PCGF5: variants seen among roughly 807,000 people sequenced by gnomAD.
PCGF5 encodes polycomb group RING finger protein 5.
In PCGF5, 9 loss-of-function variants were observed where a neutral mutation model predicts 44.3. The observed-to-expected ratio is 0.20, with a 90% CI of 0.12 to 0.35. The LOEUF is 0.35. Among genes scored for constraint, PCGF5 ranks in the 10% least tolerant of loss-of-function variants. The pLI is 1.00. For missense variants in PCGF5, 146 were observed against 305.3 expected (o/e 0.48, Z 3.89); for synonymous variants, 95 against 102.5 (o/e 0.93, Z 0.44).
In PCGF5 at chr10:91,205,343, C is replaced by T. The variant is rs928664591; in HGVS notation, c.-183-17346C>T. Among the ~76,000 whole-genome samples, 9 of 152,130 alleles carry T rather than the reference C, an allele frequency of 5.9e-5. No individual in the cohort carries two copies. In the South Asian group the frequency reaches 1.9e-3, roughly 32 times the overall value. On this transcript the variant is annotated intron_variant, in intron 1 of 9. Transcript: ENST00000614189. ...CTAACATGGAGCAAATTATCTTCCA[C>T]CCTTCCCCAGGTCAGACGTGGCACT...
At chr10:91,198,292 C>T (rs1844181624) in intron 1 of PCGF5, among the ~76,000 whole-genome samples, 1 of 152,198 alleles carries the variant, frequency 6.6e-6, no homozygotes, top group Admixed American at 6.5e-5. Context: ...CACACTGGCC[C>T]CCTTGCTGGG....
At chr10:91,195,465 TGCATGCATATATATATATATAGAGAG>T (rs1564630596) in intron 1 of PCGF5, among the ~76,000 whole-genome samples, 2 of 100,142 alleles carry the variant, frequency 2.0e-5, no homozygotes, top group African/African-American at 6.5e-5. Flanking sequence ...TATATATATA[TGCATGCATATATATATATATAGAGAG>T]AGAGAGAGAG....
chr10:91,227,580 C>G, intron 2 of PCGF5: 2 of 1,178,044 alleles, frequency 1.7e-6, no homozygotes, highest in East Asian at 1.2e-4. Flanking sequence ...ATTCTTATTA[C>G]ATCTCACCAA....
At position 91,281,332 on chromosome 10, in the gene PCGF5, G is replaced by C. The variant is rs186979627; in HGVS notation, c.*3016G>C. On this transcript the variant is annotated 3_prime_UTR_variant, in exon 10 of 10. Coordinates refer to ENST00000336126, the MANE Select transcript of PCGF5 (RefSeq NM_032373.5). ...CACATTTTATAAACGTAATGACTTT[G>C]CTCAACTACATTACACACTCAAATG... The C allele has an allele frequency of 5.4e-4, 82 of 152,500 alleles. No homozygotes were observed. Among genetic ancestry groups the C allele is most frequent in the South Asian group, 6.2e-4 (3 of 4,820 alleles). The allele number at this position is 152,500 out of a possible 1,614,324, so 9.4% of individuals were successfully genotyped here.
intron 8 of PCGF5, among the ~76,000 whole-genome samples, chr10:91,270,546 A>G (rs531506997): frequency 2.0e-5 from 3 of 152,320 alleles, no homozygotes; most frequent in African/African-American, 4.8e-5. Context: ...AGCCCGCCTT[A>G]CAGCATGTTG....
At chr10:91,246,579 A>G (rs1336823019) in intron 3 of PCGF5, among the ~76,000 whole-genome samples, 1 of 152,154 alleles carries the variant, frequency 6.6e-6, no homozygotes, top group Non-Finnish European at 1.5e-5. Context: ...GATTATGAAC[A>G]TGTCTCTGCT....
chr10:91,238,597 CTTTCTTTT>C (rs1845234372), intron 2 of PCGF5, among the ~76,000 whole-genome samples: 1 of 60,936 alleles, frequency 1.6e-5, no homozygotes, highest in Non-Finnish European at 3.1e-5. Flanking sequence ...TTCTTTCTTT[CTTTCTTTT>C]TTTTTTTTTT....
chr10:91,198,864 G>A (rs540627082), intron 1 of PCGF5, among the ~76,000 whole-genome samples: 1 of 152,296 alleles, frequency 6.6e-6, no homozygotes, highest in South Asian at 2.1e-4. Flanking sequence ...TTGGCTGAGT[G>A]TGTTTCGTAT....
At chr10:91,195,402 G>A (rs75301571) in intron 1 of PCGF5, among the ~76,000 whole-genome samples, 2,212 of 151,422 alleles carry the variant, frequency 0.015, 48 homozygotes, top group African/African-American at 0.048. Flanking sequence ...TTGCCTTAGA[G>A]GGTTAATAAT....
intron 2 of PCGF5, among the ~76,000 whole-genome samples, chr10:91,233,925 A>G (rs1845081366): frequency 6.6e-6 from 1 of 152,260 alleles, no homozygotes; most frequent in Non-Finnish European, 1.5e-5. Flanking sequence ...TAAACAGAGC[A>G]TTACTAATCA....
chr10:91,249,916 G>A (rs2133376405), intron 5 of PCGF5, among the ~76,000 whole-genome samples: 1 of 152,100 alleles, frequency 6.6e-6, no homozygotes, highest in Non-Finnish European at 1.5e-5. Flanking sequence ...ATACAGATAA[G>A]ATAAGGCTAA....
At chr10:91,169,757 T>C (rs1312902536) in intron 1 of PCGF5, among the ~76,000 whole-genome samples, 1 of 152,222 alleles carries the variant, frequency 6.6e-6, no homozygotes, top group East Asian at 1.9e-4. Context: ...AGTTATTTTG[T>C]AGATATTGGC....
intron 2 of PCGF5, chr10:91,227,319 T>A (rs1285547906): frequency 3.3e-6 from 3 of 904,752 alleles, no homozygotes; most frequent in African/African-American, 1.7e-5. Context: ...TATTTTTGGC[T>A]TACGCTTTTC....
chr10:91,185,071 C>G (rs1843894813), intron 1 of PCGF5, among the ~76,000 whole-genome samples: 1 of 152,226 alleles, frequency 6.6e-6, no homozygotes, highest in Admixed American at 6.5e-5. Context: ...CCCCCTCTGC[C>G]CCCAGTTGGC....
intron 2 of PCGF5, among the ~76,000 whole-genome samples, chr10:91,235,126 G>A (rs897391038): frequency 4.6e-5 from 7 of 152,208 alleles, no homozygotes; most frequent in Middle Eastern, 3.4e-3. Context: ...CAATGTTTCC[G>A]AGTCATCTTT....
chr10:91,160,638 G>A (rs1384447844), upstream of PCGF5, among the ~76,000 whole-genome samples: 1 of 149,874 alleles, frequency 6.7e-6, no homozygotes, highest in Admixed American at 6.6e-5. Flanking sequence ...AAGAGACTCT[G>A]GGGGGGAAAA....
chr10:91,265,026 A>G (rs1269706325), intron 8 of PCGF5, among the ~76,000 whole-genome samples: 1 of 152,154 alleles, frequency 6.6e-6, no homozygotes, highest in African/African-American at 2.4e-5. Flanking sequence ...TTCTGATGCC[A>G]GAATTAGATT....
chr10:91,240,993 A>C (rs1845309375), intron 3 of PCGF5, among the ~76,000 whole-genome samples: 1 of 150,210 alleles, frequency 6.7e-6, no homozygotes. Context: ...AACCTAAAAG[A>C]TTTTTTTAAG....
chr10:91,185,382 A>T (rs905221893), intron 1 of PCGF5, among the ~76,000 whole-genome samples: 4 of 152,224 alleles, frequency 2.6e-5, no homozygotes, highest in African/African-American at 9.6e-5. Flanking sequence ...GGAACAGGAA[A>T]GATGGCAGCC....
Sources: allele counts gnomAD v4.1 joint callset (sites outside exome capture counted in the v4.1 genomes callset), GRCh38; gene constraint gnomAD v4.1.1; transcripts MANE v1.5; gene names NCBI Gene and HGNC (gene_info 2026-07-23, HGNC 2026-07-21).